The following PEAK1 variants were observed in gnomAD, a reference collection of about 807,000 sequenced individuals.
PEAK1 encodes the protein inactive tyrosine-protein kinase PEAK1.
Under a neutral mutation model 124.7 loss-of-function variants are expected in PEAK1, and 54 were observed. That is an observed-to-expected ratio of 0.43 (90% confidence interval 0.35 to 0.54). PEAK1 has a LOEUF of 0.54. PEAK1 is among the 20% of genes least tolerant of loss of function. The probability of loss-of-function intolerance (pLI) is 0.01; values close to 1 mark genes in which losing one functional copy is unlikely to be tolerated. For missense variants in PEAK1, 2,046 were observed against 2,134.5 expected, an observed-to-expected ratio of 0.96 and a Z score of 0.82; for synonymous variants, 719 against 760.0, an observed-to-expected ratio of 0.95 and a Z score of 0.89.
chr15:77,149,441 G>GT (rs1166132272), intron 8 of PEAK1, among the ~76,000 whole-genome samples: 1 of 152,166 alleles, frequency 6.6e-6, no homozygotes, highest in Non-Finnish European at 1.5e-5. Flanking sequence ...CTGTCTTTTA[G>GT]TTTTTAAACA....
chr15:77,251,761 GCCATGGCAACACCCAGAAGTTA>G (rs1330749294), intron 6 of PEAK1, among the ~76,000 whole-genome samples: 1 of 152,146 alleles, frequency 6.6e-6, no homozygotes, highest in Non-Finnish European at 1.5e-5. Flanking sequence ...ATGTACTGTT[GCCATGGCAACACCCAGAAGTTA>G]CCGCCTCTTT....
intron 9 of PEAK1, among the ~76,000 whole-genome samples, chr15:77,132,066 A>G (rs1247947784): frequency 6.6e-6 from 1 of 152,090 alleles, no homozygotes; most frequent in Admixed American, 6.5e-5. Flanking sequence ...CCTTGCAAAA[A>G]GCAAAGCTCA....
At chr15:77,373,570 G>A (rs2068794689) in intron 1 of PEAK1, among the ~76,000 whole-genome samples, 1 of 152,130 alleles carries the variant, frequency 6.6e-6, no homozygotes, top group Non-Finnish European at 1.5e-5. Flanking sequence ...GTCCTAAGGT[G>A]CCTACTGATG....
chr15:77,352,643 C>T (rs563520835), intron 2 of PEAK1: 6 of 954,050 alleles, frequency 6.3e-6, no homozygotes, highest in Non-Finnish European at 7.5e-6. Context: ...AATATTTCTG[C>T]CTAGAAACCT....
intron 1 of PEAK1, chr15:77,381,476 C>A: frequency 1.0e-6 from 1 of 966,546 alleles, no homozygotes; most frequent in Non-Finnish European, 1.2e-6. Context: ...GCTCTAAGAA[C>A]AGTAAAGAAG....
intron 5 of PEAK1, among the ~76,000 whole-genome samples, chr15:77,268,682 G>A (rs1277618370): frequency 4.4e-5 from 6 of 137,668 alleles, no homozygotes; most frequent in Non-Finnish European, 6.9e-5. Flanking sequence ...GAAATTCATC[G>A]CAAAAACATC....
chr15:77,419,330 C>T (rs1181460301), intron 1 of PEAK1: 1 of 985,078 alleles, frequency 1.0e-6, no homozygotes, highest in Non-Finnish European at 1.2e-6. Context: ...GCGGTTCAGA[C>T]GGCAAGTCCC....
chr15:77,388,602 A>C (rs935312605), intron 1 of PEAK1, among the ~76,000 whole-genome samples: 1 of 152,186 alleles, frequency 6.6e-6, no homozygotes, highest in Non-Finnish European at 1.5e-5. Flanking sequence ...CAATACATGC[A>C]ATTTGCCTTC....
chr15:77,287,266 T>C (rs149426092), intron 2 of PEAK1, among the ~76,000 whole-genome samples: 6 of 152,158 alleles, frequency 3.9e-5, no homozygotes, highest in Non-Finnish European at 8.8e-5. Context: ...AAAACCAGAA[T>C]AGGAGACTTC....
intron 8 of PEAK1, among the ~76,000 whole-genome samples, chr15:77,135,621 G>A (rs566842013): frequency 5.0e-4 from 76 of 152,310 alleles, no homozygotes; most frequent in East Asian, 2.7e-3. Flanking sequence ...CCCACATGTT[G>A]TGGGAGGGAC....
chr15:77,401,722 T>C (rs1013103321), intron 1 of PEAK1: 1 of 984,672 alleles, frequency 1.0e-6, no homozygotes, highest in Non-Finnish European at 1.2e-6. Context: ...AAATGCAATT[T>C]GGTATACATT....
chr15:77,143,840 G>A (rs193141415), intron 8 of PEAK1, among the ~76,000 whole-genome samples: 132 of 152,278 alleles, frequency 8.7e-4, no homozygotes, highest in Non-Finnish European at 4.3e-4. Flanking sequence ...GGAATGGACT[G>A]TGTCTCATTT....
intron 2 of PEAK1, among the ~76,000 whole-genome samples, chr15:77,321,295 A>G (rs1410041951): frequency 1.3e-5 from 2 of 152,074 alleles, no homozygotes; most frequent in East Asian, 1.9e-4. Context: ...AAGTGTTCCT[A>G]TTTCTCCACA....
At chr15:77,268,939 T>G (rs1229879242) in intron 5 of PEAK1, among the ~76,000 whole-genome samples, 6 of 152,092 alleles carry the variant, frequency 3.9e-5, no homozygotes, top group Admixed American at 3.9e-4. Flanking sequence ...AGAAAAGATA[T>G]GGTATTTTTC....
chr15:77,180,960 T>C lies in PEAK1; in HGVS notation c.967A>G (p.Asn323Asp). Residue 323 changes from asparagine to aspartate, a missense_variant, in exon 7 of 10, where the codon AAT (asparagine) becomes GAT (aspartate). Asn to Asp is a conservative substitution (Grantham distance 23). Transcript: ENST00000682557. The stretch of plus-strand genomic sequence containing the variant: ...CCTTGTCCATAAGAGACCACAGAAT[T>C]TTCCTCATAACCATTCAGGATTTCA... ...YDEILNGYEE[N>D]SVVSYGQGSI... The C allele has an allele frequency of 6.2e-7, 1 of 1,614,130 alleles. No homozygotes were observed. The highest frequency in any genetic ancestry group is 8.5e-7 in the Non-Finnish European group (1 of 1,180,004).
chr15:77,352,150 G>T (rs76463365), intron 2 of PEAK1: 6 of 947,148 alleles, frequency 6.3e-6, no homozygotes, highest in Non-Finnish European at 7.5e-6. Flanking sequence ...AGCCTGCAGT[G>T]AATTATGATC....
intron 2 of PEAK1, among the ~76,000 whole-genome samples, chr15:77,351,138 A>C (rs2067185181): frequency 6.6e-6 from 1 of 152,242 alleles, no homozygotes; most frequent in Non-Finnish European, 1.5e-5. Context: ...CCACTATGGA[A>C]ATACACAAAG....
chr15:77,123,030 A>C (rs2052054555), intron 9 of PEAK1, among the ~76,000 whole-genome samples: 1 of 152,154 alleles, frequency 6.6e-6, no homozygotes. Flanking sequence ...CCTCTACATT[A>C]TTACAAGCTT....
chr15:77,238,256 C>T (rs540035872), intron 6 of PEAK1, among the ~76,000 whole-genome samples: 33 of 152,222 alleles, frequency 2.2e-4, no homozygotes, highest in African/African-American at 7.9e-4. Context: ...AATATACTAT[C>T]CCACTATCTT....
Sources: allele counts gnomAD v4.1 joint callset (sites outside exome capture counted in the v4.1 genomes callset), GRCh38; gene constraint gnomAD v4.1.1; transcripts MANE v1.5; gene names NCBI Gene and HGNC (gene_info 2026-07-23, HGNC 2026-07-21).